Variants in VOPP1 observed in about 807,000 individuals in gnomAD.
VOPP1 encodes the protein WW domain binding protein VOPP1.
A neutral mutation model predicts 23.5 loss-of-function variants in VOPP1; 8 were observed. The observed-to-expected ratio is 0.34, with a 90% confidence interval of 0.20 to 0.61. The LOEUF is 0.61. VOPP1 is among the 20% of genes least tolerant of loss of function. VOPP1 has a pLI of 0.78. For synonymous variants in VOPP1, 83 were observed against 97.3 expected, an observed-to-expected ratio of 0.85 and a Z score of 0.86; for missense variants, 174 against 238.1, an observed-to-expected ratio of 0.73 and a Z score of 1.77.
rs558635985 is a variant in VOPP1, at chr7:55,521,322, A to G, written c.55-192T>C. On this transcript the variant is annotated intron_variant, in intron 1 of 4. Transcript: ENST00000285279. ...GACTTTCTATTTCTTTAAAACATCT[A>G]TTTTTCTATTTTTTCATAGCCTTTC... 2.0e-5 allele frequency among the ~76,000 whole-genome samples: 3 copies of G among 152,062 alleles called. No homozygotes were observed. The South Asian group carries it at 6.2e-4, about 32-fold the overall frequency.
At chr7:55,534,338 C>T (rs978757420) in intron 1 of VOPP1, among the ~76,000 whole-genome samples, 2 of 152,130 alleles carry the variant, frequency 1.3e-5, no homozygotes, top group African/African-American at 4.8e-5. Context: ...CCTAAACCCT[C>T]GGGTCTCAGC....
intron 4 of VOPP1, among the ~76,000 whole-genome samples, chr7:55,487,472 G>A (rs1206870770): frequency 6.6e-6 from 1 of 152,126 alleles, no homozygotes; most frequent in African/African-American, 2.4e-5. Context: ...TTAGAGGCAG[G>A]GTCAAGCTAT....
intron 1 of VOPP1, chr7:55,538,622 C>T (rs1022519590): frequency 1.1e-5 from 17 of 1,535,792 alleles, no homozygotes; most frequent in Non-Finnish European, 1.4e-5. Flanking sequence ...CCTGCAAGAG[C>T]ACAGAAGACA....
chr7:55,507,208 C>T (rs1026947666), intron 2 of VOPP1, among the ~76,000 whole-genome samples: 6 of 152,306 alleles, frequency 3.9e-5, no homozygotes, highest in South Asian at 4.1e-4. Flanking sequence ...CACAGGCTCA[C>T]GTCAGAACTG....
At chr7:55,483,722 T>C (rs967402676) in intron 4 of VOPP1, among the ~76,000 whole-genome samples, 5 of 152,258 alleles carry the variant, frequency 3.3e-5, no homozygotes, top group Non-Finnish European at 1.5e-5. Flanking sequence ...AAGCAGAATA[T>C]ACTTGGATGT....
chr7:55,436,485 A>G (rs776068008), intron 4 of VOPP1, among the ~76,000 whole-genome samples: 1 of 152,142 alleles, frequency 6.6e-6, no homozygotes, highest in Non-Finnish European at 1.5e-5. Flanking sequence ...GGAAGCACTC[A>G]CCTGCCTGCA....
Position 55,486,242 on chromosome 7 carries a change from A to G in VOPP1, c.328+6040T>C, listed in dbSNP as rs535138385. Among the ~76,000 whole-genome samples, 1,001 of 152,392 alleles carry G rather than the reference A, an allele frequency of 6.6e-3. 5 individuals are homozygous for G. Among genetic ancestry groups the G allele is most frequent in the Non-Finnish European group, 0.01 (707 of 68,040 alleles). On this transcript the variant is annotated intron_variant, in intron 4 of 4. Coordinates refer to ENST00000285279, the MANE Select transcript of VOPP1 (RefSeq NM_030796.5). ...GTAACAACAGGAATTGCCTACCAAC[A>G]GGGCAGGCTGTAAAAAATTCTTCTT...
At chr7:55,439,950 C>T (rs1255105145) in intron 4 of VOPP1, among the ~76,000 whole-genome samples, 1 of 152,094 alleles carries the variant, frequency 6.6e-6, no homozygotes, top group Non-Finnish European at 1.5e-5. Context: ...GGGTGGGGCT[C>T]GAGAATGTGT....
At chr7:55,518,456 G>A (rs887918530) in intron 2 of VOPP1, among the ~76,000 whole-genome samples, 10 of 152,218 alleles carry the variant, frequency 6.6e-5, no homozygotes, top group East Asian at 1.9e-4. Flanking sequence ...CACAGGCCAC[G>A]GCCCCATACT....
Position 55,470,898 on chromosome 7 carries a change from C to A in VOPP1, c.*1957G>T, listed in dbSNP as rs1490252980. Reference sequence around the variant, plus strand: ...AGCGTTCACAGTAGCACAATTCTAACCAAGTTCAAGGGAAAACAAACTCTG... The same window carrying A: ...AGCGTTCACAGTAGCACAATTCTAAACAAGTTCAAGGGAAAACAAACTCTG... On this transcript the variant is annotated 3_prime_UTR_variant, in exon 5 of 5. Coordinates refer to ENST00000285279, the MANE Select transcript of VOPP1 (RefSeq NM_030796.5). The A allele has an allele frequency of 6.6e-6, 1 of 152,106 alleles. No individual in the cohort carries two copies. Among genetic ancestry groups the A allele is most frequent in the East Asian group, 1.9e-4 (1 of 5,178 alleles). The allele number at this position is 152,106 out of a possible 1,614,324, so 9.4% of individuals were successfully genotyped here.
chr7:55,480,335 G>A (rs1453097527), intron 4 of VOPP1, among the ~76,000 whole-genome samples: 1 of 152,078 alleles, frequency 6.6e-6, no homozygotes, highest in South Asian at 2.1e-4. Context: ...AAGTACTTAC[G>A]CACTTTGCCA....
In VOPP1 at chr7:55,471,801, C is replaced by T. The variant is rs1791840451; in HGVS notation, c.*1054G>A. The T allele has an allele frequency of 6.6e-6, 1 of 151,862 alleles. No individual in the cohort carries two copies. The highest frequency in any genetic ancestry group is 2.1e-4 in the South Asian group (1 of 4,798). The allele number at this position is 151,862 out of a possible 1,614,324, so 9.4% of individuals were successfully genotyped here. ...CCCAGCAAGCTCCTCCTCCTTGGAG[C>T]CCAGCACACACCCGCTTAGACCCAA... On this transcript the variant is annotated 3_prime_UTR_variant, in exon 5 of 5. Transcript: ENST00000285279.
chr7:55,561,899 C>G, intron 1 of VOPP1: 5 of 701,022 alleles, frequency 7.1e-6, no homozygotes, highest in Middle Eastern at 5.5e-4. Context: ...ACCTGAGGGT[C>G]TTCAAGTATG....
chr7:55,437,180 G>A (rs1017660252), intron 4 of VOPP1, among the ~76,000 whole-genome samples: 2 of 152,020 alleles, frequency 1.3e-5, no homozygotes, highest in Admixed American at 1.3e-4. Flanking sequence ...GTGATCCCCA[G>A]GATAAGAGAG....
At chr7:55,555,698 G>A (rs117042408) in intron 1 of VOPP1, among the ~76,000 whole-genome samples, 2,914 of 152,248 alleles carry the variant, frequency 0.019, 30 homozygotes, top group Middle Eastern at 0.044. Context: ...TATTGAAAAC[G>A]GTAGTAGTCA....
chr7:55,499,092 G>A (rs543780657), intron 2 of VOPP1, among the ~76,000 whole-genome samples: 80 of 152,206 alleles, frequency 5.3e-4, no homozygotes, highest in Admixed American at 4.2e-3. Context: ...TACCCAAAGT[G>A]TTGTGATTTC....
intron 4 of VOPP1, among the ~76,000 whole-genome samples, chr7:55,463,452 T>C (rs972730899): frequency 6.6e-6 from 1 of 152,220 alleles, no homozygotes; most frequent in South Asian, 2.1e-4. Context: ...TCCTGATAGA[T>C]GTATCTATTG....
chr7:55,492,182 G>C (rs62457893), intron 4 of VOPP1, 100 bp downstream of exon 4: 1 of 1,426,246 alleles, frequency 7.0e-7, no homozygotes, highest in Non-Finnish European at 9.3e-7. Context: ...ACACCTGAGC[G>C]CTCTCTTCTG....
At chr7:55,484,020 A>C (rs551227841) in intron 4 of VOPP1, among the ~76,000 whole-genome samples, 1 of 152,254 alleles carries the variant, frequency 6.6e-6, no homozygotes, top group South Asian at 2.1e-4. Flanking sequence ...GCCTCCCCAA[A>C]GTGCTGGGAT....
Sources: gnomAD v4.1 joint callset for allele counts (sites outside exome capture counted in the v4.1 genomes callset) on GRCh38, gnomAD v4.1.1 for gene constraint, MANE v1.5 for transcripts, NCBI Gene and HGNC (gene_info 2026-07-23, HGNC 2026-07-21) for gene names.